Variants in KIF1A observed in about 807,000 individuals in gnomAD.
KIF1A encodes the protein kinesin-like protein KIF1A.
A neutral mutation model predicts 227.3 loss-of-function variants in KIF1A; 46 were observed. That is an observed-to-expected ratio of 0.20 (90% CI 0.16 to 0.26). KIF1A has a LOEUF of 0.26. Ranked by LOEUF, KIF1A falls within the 10% of genes least tolerant of loss-of-function variation. The pLI is 1.00. For missense variants in KIF1A, 1,683 were observed against 2,485.9 expected, an observed-to-expected ratio of 0.68 and a Z score of 6.87; for synonymous variants, 1,022 against 1,012.8, an observed-to-expected ratio of 1.01 and a Z score of -0.17.
At position 240,758,323 on chromosome 2, in the gene KIF1A, A is replaced by ATC; in HGVS notation, c.2582+35_2582+36dup. The ATC allele has an allele frequency of 1.3e-6, 2 of 1,591,258 alleles. No individual in the cohort carries two copies. Among genetic ancestry groups the ATC allele is most frequent in the South Asian group, 1.2e-5 (1 of 86,780 alleles). Reference sequence around the variant, plus strand: ...CCCCCACTGCCATCTCTCTCTCTCAATCTCTCTCTCTGCCAAGGAAGGGAG... The same window carrying ATC: ...CCCCCACTGCCATCTCTCTCTCTCAATCTCTCTCTCTCTGCCAAGGAAGGGAG... On this transcript the variant is annotated intron_variant, in intron 26 of 48. Transcript: ENST00000498729. This position sits in a 1 kb window ranked among gnomAD's most constrained non-coding sequence, Gnocchi z 5.2.
chr2:240,733,579 G>A (rs977592689), intron 38 of KIF1A, among the ~76,000 whole-genome samples: 10 of 152,200 alleles, frequency 6.6e-5, no homozygotes, highest in African/African-American at 2.2e-4. Flanking sequence ...ACTCTGGCCC[G>A]GCCACCCCTG....
At chr2:240,764,178 T>C (rs939335005) in intron 20 of KIF1A, among the ~76,000 whole-genome samples, 5 of 152,028 alleles carry the variant, frequency 3.3e-5, no homozygotes, top group African/African-American at 1.2e-4. Context: ...TGCAGGTCTG[T>C]CCCCCCTCAG....
chr2:240,790,952 C>A lies in KIF1A; in HGVS notation c.107-1640G>T, dbSNP rs544078772. ...ATGGCAGTTCAGGGCACTGAGACCCCCTCTGGCCAAGCGTCTTGCTGACAG... is the reference window on the plus strand; with the variant it reads ...ATGGCAGTTCAGGGCACTGAGACCCACTCTGGCCAAGCGTCTTGCTGACAG... On this transcript the variant is annotated intron_variant, in intron 2 of 48. Transcript: ENST00000498729. The surrounding 1 kb of genome is among the most constrained non-coding windows in gnomAD (Gnocchi z 5.0). Among the ~76,000 whole-genome samples the A allele has an allele frequency of 1.3e-5, 2 of 152,158 alleles. No individual in the cohort carries two copies. The highest frequency in any genetic ancestry group is 4.8e-5 in the African/African-American group (2 of 41,426).
intron 34 of KIF1A, among the ~76,000 whole-genome samples, chr2:240,742,055 C>G (rs2048036793): frequency 6.6e-6 from 1 of 152,212 alleles, no homozygotes. Flanking sequence ...TCAGGGAACT[C>G]ATACTGCGGG....
intron 7 of KIF1A, among the ~76,000 whole-genome samples, chr2:240,784,332 C>G (rs2054439074): frequency 6.6e-6 from 1 of 152,138 alleles, no homozygotes. Flanking sequence ...CCTCCTGAGC[C>G]ATAGCTACAG....
At chr2:240,787,549 C>T (rs1196381778) in intron 4 of KIF1A, among the ~76,000 whole-genome samples, 1 of 152,186 alleles carries the variant, frequency 6.6e-6, no homozygotes, top group Non-Finnish European at 1.5e-5. Flanking sequence ...TGCCCCTCCC[C>T]CTGGCTCTGC....
At position 240,757,423 on chromosome 2, in the gene KIF1A, A is replaced by ATCCTCCTCCTCCTCCTCC; in HGVS notation, c.2736_2753dup (p.Glu912_Glu917dup). The ATCCTCCTCCTCCTCCTCC allele has an allele frequency of 6.7e-7, 1 of 1,482,358 alleles. No individual in the cohort carries two copies. Among genetic ancestry groups the ATCCTCCTCCTCCTCCTCC allele is most frequent in the Non-Finnish European group, 9.1e-7 (1 of 1,103,042 alleles). The allele number at this position is 1,482,358 out of a possible 1,614,324, so 91.8% of individuals were successfully genotyped here. On this transcript the variant is annotated inframe_insertion, in exon 27 of 49. Transcript: ENST00000498729. The surrounding 1 kb of genome is among the most constrained non-coding windows in gnomAD (Gnocchi z 6.2). ...CGTCCTCCAGGTCCTCCTCCTCCTC[A>ATCCTCCTCCTCCTCCTCC]TCCTCCTCCTCCTCCTCCTCCTCCT... is the stretch of plus-strand genomic sequence containing the variant.
intron 1 of KIF1A, among the ~76,000 whole-genome samples, chr2:240,804,630 TGGAAGGCTGGGTAAAAGA>T (rs2057232670): frequency 6.6e-6 from 1 of 151,840 alleles, no homozygotes; most frequent in Non-Finnish European, 1.5e-5. Context: ...CTCTGTGAAA[TGGAAGGCTGGGTAAAAGA>T]AGGGACACGG....
intron 27 of KIF1A, among the ~76,000 whole-genome samples, chr2:240,751,547 G>A (rs765449812): frequency 3.3e-5 from 5 of 152,088 alleles, no homozygotes; most frequent in African/African-American, 9.7e-5. Context: ...AGCAGCACAG[G>A]GGCCCCTCCT....
Position 240,714,790 on chromosome 2 carries a change from C to A in KIF1A, c.*2574G>T. The A allele has an allele frequency of 6.6e-6, 1 of 152,382 alleles. No individual in the cohort carries two copies. 9.4% of individuals were successfully genotyped at this position (152,382 alleles called of 1,614,324 possible). The stretch of plus-strand genomic sequence containing the variant: ...TTTCTGGGTCCTGGCTTAGGCACTC[C>A]TCACTAGAGCAGGCCCGGAAGGAGG... On this transcript the variant is annotated 3_prime_UTR_variant, in exon 49 of 49. Coordinates refer to ENST00000498729, the MANE Select transcript of KIF1A (RefSeq NM_001244008.2).
Position 240,783,196 on chromosome 2 carries a change from A to G in KIF1A, c.799-87T>C, listed in dbSNP as rs2288749. 0.49 allele frequency: 519,451 copies of G among 1,061,796 alleles called. 131,612 individuals carry two copies. The highest frequency in any genetic ancestry group is 0.78 in the African/African-American group (50,223 of 64,336). 65.8% of individuals were successfully genotyped at this position (1,061,796 alleles called of 1,614,324 possible). A position where few individuals can be genotyped will look rare whatever the true frequency, so the allele number is the denominator to read the frequency against. ...AGGGATGCCCTGGGTGGACCTGTGC[A>G]GTGTGGAGTGGAGGCCACCACTGCA... On this transcript the variant is annotated intron_variant, in intron 8 of 48. Transcript: ENST00000498729.
chr2:240,774,063 G>C, intron 12 of KIF1A, 120 bp downstream of exon 12: 1 of 611,446 alleles, frequency 1.6e-6, no homozygotes, highest in Non-Finnish European at 2.9e-6. Flanking sequence ...ACAGAGTCCA[G>C]GGTATACCCC....
intron 27 of KIF1A, among the ~76,000 whole-genome samples, chr2:240,754,382 T>A (rs1439812062): frequency 6.6e-6 from 1 of 151,896 alleles, no homozygotes; most frequent in Non-Finnish European, 1.5e-5. Context: ...CCCGTCCCAG[T>A]CTGCCTGGCT....
In KIF1A at chr2:240,783,828, G is replaced by GAT; in HGVS notation, c.721-14_721-13dup. On this transcript the variant is annotated splice_polypyrimidine_tract_variant and intron_variant, in intron 7 of 48. Transcript: ENST00000498729. The stretch of plus-strand genomic sequence containing the variant: ...CTGATTTTGCTCACCTGAAACAGTA[G>GAT]ATACATCACATGCAGGAAAGGCCAC... The GAT allele has an allele frequency of 6.3e-7, 1 of 1,579,316 alleles. No homozygotes were observed. Among genetic ancestry groups the GAT allele is most frequent in the South Asian group, 1.2e-5 (1 of 86,194 alleles).
At position 240,720,704 on chromosome 2, in the gene KIF1A, C is replaced by G. The variant is rs535273064; in HGVS notation, c.4868+210G>C. 131 of 463,446 alleles carry G rather than the reference C, an allele frequency of 2.8e-4. 1 individual carries two copies. Among genetic ancestry groups the G allele is most frequent in the African/African-American group, 2.3e-3 (114 of 50,434 alleles). The allele number at this position is 463,446 out of a possible 1,614,324, so 28.7% of individuals were successfully genotyped here. The stretch of plus-strand genomic sequence containing the variant: ...GGTCTTCTTCAGGGAAGAGAACACA[C>G]ACACACTAGGATGGAGCTGGCGGGG... On this transcript the variant is annotated intron_variant, in intron 45 of 48. Transcript: ENST00000498729.
intron 2 of KIF1A, among the ~76,000 whole-genome samples, chr2:240,796,060 T>A (rs2056359326): frequency 6.6e-6 from 1 of 152,146 alleles, no homozygotes; most frequent in Admixed American, 6.5e-5. Context: ...TGGGTCACCT[T>A]ACAATGACAC....
Position 240,757,442 on chromosome 2 carries a change from TCC to T in KIF1A, c.2733_2734del (p.Glu912GlyfsTer7). On this transcript the variant is annotated frameshift_variant, in exon 27 of 49. Coordinates refer to ENST00000498729, the MANE Select transcript of KIF1A (RefSeq NM_001244008.2). LOFTEE classifies it high-confidence loss of function. The surrounding 1 kb of genome is among the most constrained non-coding windows in gnomAD (Gnocchi z 6.2). ...CTCCTCATCCTCCTCCTCCTCCTCC[TCC>T]TCCTCCTCCTCCCCCACGCTCTGCT... The T allele has an allele frequency of 6.5e-7, 1 of 1,549,366 alleles. No homozygotes were observed. Among genetic ancestry groups the T allele is most frequent in the Non-Finnish European group, 8.7e-7 (1 of 1,146,408 alleles).
chr2:240,812,523 TGGGGATC>T, intron 1 of KIF1A, among the ~76,000 whole-genome samples: 1 of 150,132 alleles, frequency 6.7e-6, no homozygotes, highest in African/African-American at 2.5e-5. Flanking sequence ...CACCTTCACC[TGGGGATC>T]CACCTTCACC....
chr2:240,747,158 G>A (rs988992314), intron 29 of KIF1A, 78 bp downstream of exon 29: 19 of 1,040,950 alleles, frequency 1.8e-5, no homozygotes, highest in Non-Finnish European at 2.8e-5. Context: ...ACACAGGGGT[G>A]TTAGAGGAGC....
Sources: gnomAD v4.1 joint callset for allele counts (sites outside exome capture counted in the v4.1 genomes callset) on GRCh38, gnomAD v4.1.1 for gene constraint, Gnocchi (gnomAD v3.1) non-coding constraint, MANE v1.5 for transcripts, NCBI Gene and HGNC (gene_info 2026-07-23, HGNC 2026-07-21) for gene names.